The following FOXP2 variants were observed in gnomAD, a reference collection of about 807,000 sequenced individuals.
FOXP2 encodes forkhead box P2, also known as forkhead box protein P2.
Under a neutral mutation model 115.8 loss-of-function variants are expected in FOXP2, and 12 were observed. That is an observed-to-expected ratio of 0.10 (90% CI 0.07 to 0.17). The LOEUF is 0.17. FOXP2 is among the 10% of genes least tolerant of loss of function. The probability of loss-of-function intolerance (pLI) is 1.00; values close to 1 mark genes in which losing one functional copy is unlikely to be tolerated. For synonymous variants in FOXP2, 328 were observed against 297.7 expected (o/e 1.10, Z -1.05); for missense variants, 629 against 843.5 (o/e 0.75, Z 3.15).
At chr7:114,451,191 A>T (rs1795058669) in intron 2 of FOXP2, among the ~76,000 whole-genome samples, 1 of 152,090 alleles carries the variant, frequency 6.6e-6, no homozygotes. Context: ...TTGTTCTTTC[A>T]AGTGATAATG....
At chr7:114,453,792 T>C (rs1368544078) in intron 2 of FOXP2, among the ~76,000 whole-genome samples, 3 of 152,074 alleles carry the variant, frequency 2.0e-5, no homozygotes, top group Non-Finnish European at 4.4e-5. Context: ...TAATAAATGG[T>C]GCTGGGAAAA....
At chr7:114,157,374 G>A (rs1792699153) in intron 1 of FOXP2, among the ~76,000 whole-genome samples, 1 of 152,016 alleles carries the variant, frequency 6.6e-6, no homozygotes, top group Admixed American at 6.6e-5. Flanking sequence ...GGAGTTAATG[G>A]TAATTAAATT....
At chr7:114,159,904 C>G (rs1031877687), upstream of FOXP2, among the ~76,000 whole-genome samples, 5 of 152,136 alleles carry the variant, frequency 3.3e-5, no homozygotes, top group Admixed American at 3.3e-4. Flanking sequence ...TGCAAAGGCT[C>G]AACAAACTAT....
At chr7:114,372,938 T>C (rs1792049051) in intron 2 of FOXP2, among the ~76,000 whole-genome samples, 2 of 152,222 alleles carry the variant, frequency 1.3e-5, no homozygotes, top group South Asian at 4.1e-4. Flanking sequence ...TTAATTGTCA[T>C]TTAAGGATTT....
At chr7:114,479,374 T>A (rs1796423744) in intron 2 of FOXP2, among the ~76,000 whole-genome samples, 1 of 151,532 alleles carries the variant, frequency 6.6e-6, no homozygotes, top group Non-Finnish European at 1.5e-5. Context: ...TGATTAGAAA[T>A]GCTGTGTGTT....
rs192314352 is a variant in FOXP2, at chr7:114,407,691, T to C, written c.-10-18811T>C. On this transcript the variant is annotated intron_variant, in intron 2 of 17. Coordinates refer to the FOXP2 transcript ENST00000634411. ...AGTGCTTTTCTAAAGCATATATTCT[T>C]ATCTATTTTATTTCTATGCAAATAT... is the stretch of plus-strand genomic sequence containing the variant. 4.0e-3 allele frequency among the ~76,000 whole-genome samples: 607 copies of C among 152,292 alleles called. 3 individuals carry two copies. The highest frequency in any genetic ancestry group is 0.018 in the South Asian group (87 of 4,826).
At chr7:114,327,970 G>T (rs1797599995) in intron 2 of FOXP2, among the ~76,000 whole-genome samples, 1 of 150,604 alleles carries the variant, frequency 6.6e-6, no homozygotes, top group African/African-American at 2.4e-5. Flanking sequence ...ACCCAGCTTG[G>T]AGTCCAGTGG....
At chr7:114,481,764 C>CTATT (rs1796549868) in intron 2 of FOXP2, among the ~76,000 whole-genome samples, 1 of 67,364 alleles carries the variant, frequency 1.5e-5, no homozygotes, top group Admixed American at 1.4e-4. Flanking sequence ...TATGGAAACT[C>CTATT]TATCTATCTA....
intron 1 of FOXP2, among the ~76,000 whole-genome samples, chr7:114,420,341 G>A (rs1793563135): frequency 6.6e-6 from 1 of 151,892 alleles, no homozygotes; most frequent in Non-Finnish European, 1.5e-5. Context: ...TAAAAAAGAG[G>A]GAGGTTTTGC....
At chr7:114,652,525 A>G (rs1806326275) in intron 9 of FOXP2, among the ~76,000 whole-genome samples, 1 of 152,130 alleles carries the variant, frequency 6.6e-6, no homozygotes, top group Non-Finnish European at 1.5e-5. Flanking sequence ...AGACCACATC[A>G]TATGAATTTG....
chr7:114,617,991 C>T (rs557446081), intron 3 of FOXP2, among the ~76,000 whole-genome samples: 2 of 152,298 alleles, frequency 1.3e-5, no homozygotes, highest in Admixed American at 6.5e-5. Context: ...CACACTTTTG[C>T]CTAGGGAAGA....
At chr7:114,574,643 A>T (rs1362959883) in intron 3 of FOXP2, among the ~76,000 whole-genome samples, 1 of 151,862 alleles carries the variant, frequency 6.6e-6, no homozygotes, top group Non-Finnish European at 1.5e-5. Flanking sequence ...TGACCTCATT[A>T]ACACCTATCT....
chr7:114,591,120 A>G (rs1802416908), intron 3 of FOXP2, among the ~76,000 whole-genome samples: 2 of 152,090 alleles, frequency 1.3e-5, no homozygotes, highest in South Asian at 4.1e-4. Flanking sequence ...TATTTTCCTG[A>G]TTACAGTAGA....
At chr7:114,522,748 C>T (rs945801625) in intron 2 of FOXP2, among the ~76,000 whole-genome samples, 14 of 152,014 alleles carry the variant, frequency 9.2e-5, no homozygotes, top group African/African-American at 2.9e-4. Context: ...AAAGAACACT[C>T]GTATCACATT....
intron 2 of FOXP2, among the ~76,000 whole-genome samples, chr7:114,336,794 G>T (rs1354144443): frequency 2.0e-5 from 3 of 151,320 alleles, no homozygotes; most frequent in African/African-American, 4.8e-5. Flanking sequence ...TAGAAGAGGG[G>T]AGAAAAAAAC....
At chr7:114,629,733 A>G in intron 4 of FOXP2, 72 bp from the exon 5 acceptor site, 1 of 1,608,324 alleles carries the variant, frequency 6.2e-7, no homozygotes. Flanking sequence ...ATGCCAGTCT[A>G]GAAGAGTTTA....
At chr7:114,407,796 A>G (rs950952211) in intron 2 of FOXP2, among the ~76,000 whole-genome samples, 7 of 152,142 alleles carry the variant, frequency 4.6e-5, no homozygotes, top group African/African-American at 7.2e-5. Context: ...CTTAGGAATT[A>G]ATAACTTCAG....
chr7:114,098,986 T>G (rs949735850), intron 1 of FOXP2, among the ~76,000 whole-genome samples: 1 of 151,954 alleles, frequency 6.6e-6, no homozygotes, highest in African/African-American at 2.4e-5. Flanking sequence ...ACTGCAAAAA[T>G]TAGCCGGGCA....
At chr7:114,117,100 C>T (rs991616662) in intron 1 of FOXP2, among the ~76,000 whole-genome samples, 1 of 151,786 alleles carries the variant, frequency 6.6e-6, no homozygotes, top group African/African-American at 2.4e-5. Flanking sequence ...AAAAATTTTA[C>T]TTTGATTTAG....
Sources: gnomAD v4.1 joint callset for allele counts (sites outside exome capture counted in the v4.1 genomes callset) on GRCh38, gnomAD v4.1.1 for gene constraint, MANE v1.5 for transcripts, NCBI Gene and HGNC (gene_info 2026-07-23, HGNC 2026-07-21) for gene names.